CDH12: variants seen among roughly 807,000 people sequenced by gnomAD.
CDH12 encodes the protein cadherin 12, also known as cadherin-12.
In CDH12, 41 loss-of-function variants were observed where a neutral mutation model predicts 74.1. The observed-to-expected ratio is 0.55, with a 90% confidence interval of 0.43 to 0.72. CDH12 has a LOEUF of 0.72. CDH12 is among the 30% of genes least tolerant of loss of function. The pLI is 0.00. For missense variants in CDH12, 945 were observed against 977.2 expected (o/e 0.97, Z 0.44); for synonymous variants, 399 against 355.0 (o/e 1.12, Z -1.39).
intron 9 of CDH12, among the ~76,000 whole-genome samples, chr5:21,815,650 A>C (rs1386590695): frequency 6.6e-6 from 1 of 152,096 alleles, no homozygotes. Flanking sequence ...GTTTCTTGGT[A>C]ATTCTTTTTC....
At chr5:21,910,983 C>T (rs1443906982) in intron 6 of CDH12, among the ~76,000 whole-genome samples, 1 of 152,142 alleles carries the variant, frequency 6.6e-6, no homozygotes, top group African/African-American at 2.4e-5. Flanking sequence ...TTTTAAAGGC[C>T]TTAGCCTTGT....
intron 8 of CDH12, among the ~76,000 whole-genome samples, chr5:21,837,795 G>T (rs906191114): frequency 3.3e-5 from 5 of 152,106 alleles, no homozygotes; most frequent in Admixed American, 2.6e-4. Flanking sequence ...TCAGGGAGAT[G>T]AATTTTTTAT....
chr5:22,732,798 T>A (rs746396743), intron 1 of CDH12, among the ~76,000 whole-genome samples: 1 of 151,700 alleles, frequency 6.6e-6, no homozygotes, highest in East Asian at 1.9e-4. Flanking sequence ...TCAAAAGGAA[T>A]CAACCCTGCT....
At chr5:22,092,386 C>T (rs1414161377) in intron 4 of CDH12, among the ~76,000 whole-genome samples, 1 of 152,016 alleles carries the variant, frequency 6.6e-6, no homozygotes, top group Non-Finnish European at 1.5e-5. Context: ...AGACTTGTAT[C>T]TCAAATATAT....
At chr5:22,660,670 C>T (rs1740301281) in intron 1 of CDH12, among the ~76,000 whole-genome samples, 1 of 152,144 alleles carries the variant, frequency 6.6e-6, no homozygotes, top group Non-Finnish European at 1.5e-5. Flanking sequence ...TCCCTGCCTC[C>T]ACCTCCCAAA....
rs563208226 is a variant in CDH12 at position 22,533,390 on chromosome 5, A to G, written c.-522-28026T>C. Among the ~76,000 whole-genome samples, 38 of 152,324 alleles carry G rather than the reference A, an allele frequency of 2.5e-4. No homozygotes were observed. The South Asian group carries it at 4.3e-3, about 17-fold the overall frequency. On this transcript the variant is annotated intron_variant, in intron 1 of 14. Coordinates refer to ENST00000382254, the MANE Select transcript of CDH12 (RefSeq NM_004061.5). ...ATAATGCAACTGTTGTCATAATATAACAAGTATAAAAAAATTCTCTGTAGT... is the reference window on the plus strand; with the variant it reads ...ATAATGCAACTGTTGTCATAATATAGCAAGTATAAAAAAATTCTCTGTAGT...
rs535511701 is a variant in CDH12 at position 22,038,600 on chromosome 5, T to C, written c.231+39846A>G. Among the ~76,000 whole-genome samples, 3 of 152,334 alleles carry C rather than the reference T, an allele frequency of 2.0e-5. No individual in the cohort carries two copies. The East Asian group carries it at 5.8e-4, about 29-fold the overall frequency. Reference sequence around the variant, plus strand: ...ACATTGCCTCCTGAAAAAATGGTTGTTTGCCAAAGTCACTCCATATACTTC... The same window carrying C: ...ACATTGCCTCCTGAAAAAATGGTTGCTTGCCAAAGTCACTCCATATACTTC... On this transcript the variant is annotated intron_variant, in intron 5 of 14. Coordinates refer to ENST00000382254, the MANE Select transcript of CDH12 (RefSeq NM_004061.5).
intron 3 of CDH12, among the ~76,000 whole-genome samples, chr5:22,342,866 C>A (rs1199925263): frequency 6.7e-6 from 1 of 148,208 alleles, no homozygotes; most frequent in African/African-American, 2.5e-5. Context: ...GTCTGTCTGT[C>A]TTGATGGAGT....
intron 4 of CDH12, among the ~76,000 whole-genome samples, chr5:22,113,451 A>G (rs1466464403): frequency 6.6e-6 from 1 of 152,128 alleles, no homozygotes; most frequent in Non-Finnish European, 1.5e-5. Flanking sequence ...CCCTTTTATG[A>G]TCCCAGGTCT....
chr5:21,954,648 A>AT (rs1471643900), intron 6 of CDH12, among the ~76,000 whole-genome samples: 1 of 152,020 alleles, frequency 6.6e-6, no homozygotes, highest in Non-Finnish European at 1.5e-5. Context: ...TGCCTACTTA[A>AT]TTTTTTGTGT....
At chr5:22,748,037 T>C (rs1745382015) in intron 1 of CDH12, among the ~76,000 whole-genome samples, 1 of 152,326 alleles carries the variant, frequency 6.6e-6, no homozygotes, top group Non-Finnish European at 1.5e-5. Flanking sequence ...AAAGTGAAGA[T>C]GTTTGCCACT....
chr5:21,780,189 TAGGTAAAAACTGTAGCC>T (rs946353656), intron 11 of CDH12, among the ~76,000 whole-genome samples: 7 of 152,208 alleles, frequency 4.6e-5, no homozygotes, highest in African/African-American at 1.7e-4. Context: ...GATTTTCATT[TAGGTAAAAACTGTAGCC>T]AGCAGCTGGT....
intron 3 of CDH12, among the ~76,000 whole-genome samples, chr5:22,307,936 A>G (rs1460382286): frequency 1.8e-5 from 2 of 114,088 alleles, no homozygotes; most frequent in East Asian, 3.1e-4. Flanking sequence ...GCTGGAGTGC[A>G]GTGGCGCGAT....
chr5:21,845,298 C>G (rs181910464), intron 7 of CDH12, among the ~76,000 whole-genome samples: 2 of 152,224 alleles, frequency 1.3e-5, no homozygotes, highest in Admixed American at 1.3e-4. Flanking sequence ...TGTTACCTAG[C>G]CCCTATAAAT....
chr5:22,425,143 A>ATATG (rs71609766), intron 2 of CDH12, among the ~76,000 whole-genome samples: 2 of 124,026 alleles, frequency 1.6e-5, no homozygotes, highest in Admixed American at 8.1e-5. Context: ...AATTATATAT[A>ATATG]TGTGTGTGTG....
chr5:22,797,622 G>T (rs1022946041), intron 1 of CDH12, among the ~76,000 whole-genome samples: 2 of 152,154 alleles, frequency 1.3e-5, no homozygotes, highest in African/African-American at 4.8e-5. Context: ...ACCAGTAAAA[G>T]AAGTTGGGAA....
chr5:22,430,093 C>T (rs1307931590), intron 2 of CDH12, among the ~76,000 whole-genome samples: 1 of 152,086 alleles, frequency 6.6e-6, no homozygotes, highest in Non-Finnish European at 1.5e-5. Flanking sequence ...GATACTTTTA[C>T]TACTTGAGAA....
At chr5:22,821,492 T>C (rs541463653) in intron 1 of CDH12, among the ~76,000 whole-genome samples, 1 of 152,274 alleles carries the variant, frequency 6.6e-6, no homozygotes, top group East Asian at 1.9e-4. Context: ...AACCCCATTG[T>C]CTCAGCCCAA....
intron 2 of CDH12, among the ~76,000 whole-genome samples, chr5:22,424,010 A>ACAG (rs1743778596): frequency 6.7e-6 from 1 of 149,210 alleles, no homozygotes; most frequent in Non-Finnish European, 1.5e-5. Context: ...CTCAAAAAAA[A>ACAG]AAAAAAAAAA....
Sources: gnomAD v4.1 joint callset for allele counts (sites outside exome capture counted in the v4.1 genomes callset) on GRCh38, gnomAD v4.1.1 for gene constraint, MANE v1.5 for transcripts, NCBI Gene and HGNC (gene_info 2026-07-23, HGNC 2026-07-21) for gene names.